The following SDK1 variants were observed in gnomAD, a reference collection of about 807,000 sequenced individuals.
SDK1 encodes sidekick cell adhesion molecule 1.
In SDK1, 157 loss-of-function variants were observed where a neutral mutation model predicts 245.5. The observed-to-expected ratio is 0.64, with a 90% confidence interval of 0.56 to 0.73. The LOEUF is 0.73. Ranked by LOEUF, SDK1 falls within the 30% of genes least tolerant of loss-of-function variation. SDK1 has a pLI of 0.00. For synonymous variants in SDK1, 1,647 were observed against 1,278.5 expected (o/e 1.29, Z -6.15); for missense variants, 3,583 against 3,002.3 (o/e 1.19, Z -4.52).
intron 14 of SDK1, among the ~76,000 whole-genome samples, chr7:3,992,365 T>G (rs1235923216): frequency 1.3e-5 from 2 of 152,188 alleles, no homozygotes; most frequent in Non-Finnish European, 2.9e-5. Context: ...TTGATGGTTC[T>G]CCTGTCCCAG....
chr7:4,107,919 C>G (rs568841923), intron 22 of SDK1, among the ~76,000 whole-genome samples: 229 of 152,300 alleles, frequency 1.5e-3, no homozygotes, highest in African/African-American at 5.2e-3. Context: ...ATGAATCACT[C>G]TTTTTCTGGG....
intron 5 of SDK1, among the ~76,000 whole-genome samples, chr7:3,842,627 G>A (rs1028802426): frequency 1.2e-4 from 18 of 152,230 alleles, no homozygotes; most frequent in African/African-American, 4.3e-4. Flanking sequence ...TACTGTCAGT[G>A]GACAGTTGTG....
intron 17 of SDK1, among the ~76,000 whole-genome samples, chr7:4,035,874 A>G (rs1365775559): frequency 6.6e-6 from 1 of 152,192 alleles, no homozygotes; most frequent in Non-Finnish European, 1.5e-5. Context: ...CCTGCTAGTT[A>G]AAGATGGGAA....
chr7:3,603,943 G>T (rs1181697185), intron 1 of SDK1, among the ~76,000 whole-genome samples: 5 of 152,166 alleles, frequency 3.3e-5, no homozygotes, highest in Admixed American at 6.6e-5. Flanking sequence ...AGATAATCAT[G>T]TGGTTTTTGT....
At chr7:4,074,153 A>G (rs1438029295) in intron 20 of SDK1, among the ~76,000 whole-genome samples, 2 of 152,112 alleles carry the variant, frequency 1.3e-5, no homozygotes, top group Non-Finnish European at 2.9e-5. Flanking sequence ...GCTGATAAGA[A>G]CAGACGAAAC....
At chr7:3,972,390 A>G (rs1782558906) in intron 12 of SDK1, among the ~76,000 whole-genome samples, 1 of 152,090 alleles carries the variant, frequency 6.6e-6, no homozygotes, top group South Asian at 2.1e-4. Context: ...AGGGTTCTCT[A>G]AAGGAATGCC....
chr7:3,570,760 C>G (rs901529248), intron 1 of SDK1, among the ~76,000 whole-genome samples: 4 of 152,238 alleles, frequency 2.6e-5, no homozygotes, highest in African/African-American at 7.2e-5. Flanking sequence ...TGATGGGTCC[C>G]TAAAGGCATT....
At chr7:4,130,855 A>G (rs1033971248) in intron 27 of SDK1, among the ~76,000 whole-genome samples, 1 of 152,182 alleles carries the variant, frequency 6.6e-6, no homozygotes, top group African/African-American at 2.4e-5. Context: ...TGGGGATCGG[A>G]GTGGCTGAAG....
At chr7:3,764,844 G>C (rs993015293) in intron 4 of SDK1, among the ~76,000 whole-genome samples, 4 of 151,974 alleles carry the variant, frequency 2.6e-5, no homozygotes, top group African/African-American at 9.7e-5. Flanking sequence ...GGAAAATCCA[G>C]CTGTCTTTTA....
chr7:3,668,419 C>A (rs1344172043), intron 4 of SDK1, among the ~76,000 whole-genome samples: 2 of 152,176 alleles, frequency 1.3e-5, no homozygotes, highest in African/African-American at 4.8e-5. Context: ...CATGGACTTC[C>A]TTCAAAGATT....
At chr7:3,317,538 C>T (rs1779693787) in intron 1 of SDK1, among the ~76,000 whole-genome samples, 1 of 151,354 alleles carries the variant, frequency 6.6e-6, no homozygotes, top group Non-Finnish European at 1.5e-5. Flanking sequence ...TCCCTGGGTG[C>T]CTGCCAGGAG....
At chr7:3,811,553 C>T (rs898814560) in intron 4 of SDK1, among the ~76,000 whole-genome samples, 5 of 152,234 alleles carry the variant, frequency 3.3e-5, no homozygotes, top group East Asian at 1.9e-4. Flanking sequence ...ATTCAGAGAC[C>T]GACAATATGC....
intron 22 of SDK1, among the ~76,000 whole-genome samples, chr7:4,080,315 T>C (rs763036500): frequency 1.8e-4 from 28 of 152,128 alleles, no homozygotes; most frequent in Non-Finnish European, 3.4e-4. Flanking sequence ...CAGGCTTGAA[T>C]AGGATCATGC....
rs1781338401 is a variant in SDK1 at position 3,476,017 on chromosome 7, C to T, written c.299-143063C>T. The T allele has an allele frequency of 2.6e-5, 4 of 152,742 alleles. No homozygotes were observed. In the South Asian group the frequency reaches 6.2e-4, roughly 24 times the overall value. 9.5% of individuals were successfully genotyped at this position (152,742 alleles called of 1,614,324 possible). On this transcript the variant is annotated intron_variant, in intron 1 of 44. Transcript: ENST00000404826. ...TTATCTTTTGGTAATTAAAACTTTT[C>T]CTATTCATCATCAAAAAGTCTGTAT...
intron 1 of SDK1, among the ~76,000 whole-genome samples, chr7:3,569,178 G>T (rs914047897): frequency 1.3e-4 from 20 of 151,852 alleles, no homozygotes; most frequent in Admixed American, 1.1e-3. Flanking sequence ...AGAGTACAGA[G>T]AATACAAAAA....
At chr7:4,002,244 C>T (rs1219931463) in intron 14 of SDK1, among the ~76,000 whole-genome samples, 1 of 132 alleles carries the variant, frequency 7.6e-3, no homozygotes, top group Non-Finnish European at 0.015. Flanking sequence ...TGAGTCTGGG[C>T]TCCAGCCGGA....
chr7:3,730,839 T>C (rs1779155503), intron 4 of SDK1, among the ~76,000 whole-genome samples: 1 of 152,166 alleles, frequency 6.6e-6, no homozygotes, highest in South Asian at 2.1e-4. Context: ...TACCACACTC[T>C]GGCCTTGAAG....
intron 4 of SDK1, among the ~76,000 whole-genome samples, chr7:3,679,236 ACTC>A (rs1784019959): frequency 6.6e-6 from 1 of 152,190 alleles, no homozygotes; most frequent in Non-Finnish European, 1.5e-5. Context: ...TCTGTGAAGA[ACTC>A]CTAAAATTCA....
chr7:3,445,605 T>G (rs1780318655), intron 1 of SDK1, among the ~76,000 whole-genome samples: 1 of 152,202 alleles, frequency 6.6e-6, no homozygotes, highest in Non-Finnish European at 1.5e-5. Flanking sequence ...CTTATATAAT[T>G]TAGTACACAT....
Sources: gnomAD v4.1 joint callset for allele counts (sites outside exome capture counted in the v4.1 genomes callset) on GRCh38, gnomAD v4.1.1 for gene constraint, MANE v1.5 for transcripts, NCBI Gene and HGNC (gene_info 2026-07-23, HGNC 2026-07-21) for gene names.